The following DNAI4 variants were observed in gnomAD, a reference collection of about 807,000 sequenced individuals.
DNAI4 encodes the protein dynein axonemal intermediate chain 4, also known as WD repeat domain 78.
A neutral mutation model predicts 105.8 loss-of-function variants in DNAI4; 85 were observed. The observed-to-expected ratio is 0.80, with a 90% CI of 0.67 to 0.96. The LOEUF is 0.96. DNAI4 is among the 40% of genes least tolerant of loss of function. The probability of loss-of-function intolerance (pLI) is 0.00; values close to 1 mark genes in which losing one functional copy is unlikely to be tolerated. For synonymous variants in DNAI4, 352 were observed against 331.5 expected (o/e 1.06, Z -0.67); for missense variants, 1,014 against 1,005.6 (o/e 1.01, Z -0.11).
intron 1 of DNAI4, chr1:66,919,132 C>CA (rs756212207): frequency 3.8e-5 from 17 of 443,968 alleles, no homozygotes; most frequent in Non-Finnish European, 7.3e-5. Flanking sequence ...ATGTATAAAA[C>CA]AAAGACATGC....
At chr1:66,851,659 T>C (rs1448651634) in intron 7 of DNAI4, among the ~76,000 whole-genome samples, 2 of 151,718 alleles carry the variant, frequency 1.3e-5, no homozygotes, top group Admixed American at 1.3e-4. Flanking sequence ...ACTTAGAATC[T>C]TAAAAAAACA....
At chr1:66,897,419 A>C (rs1282424726) in intron 2 of DNAI4, among the ~76,000 whole-genome samples, 7 of 152,238 alleles carry the variant, frequency 4.6e-5, no homozygotes, top group African/African-American at 1.7e-4. Context: ...GGCCATGTAA[A>C]GAATGAACCA....
intron 9 of DNAI4, among the ~76,000 whole-genome samples, chr1:66,839,380 C>G (rs925506898): frequency 1.3e-5 from 2 of 152,046 alleles, no homozygotes; most frequent in African/African-American, 4.8e-5. Flanking sequence ...CAAAATAATA[C>G]ACATAATTAA....
At chr1:66,915,436 C>T (rs573902981) in intron 1 of DNAI4, among the ~76,000 whole-genome samples, 35 of 152,192 alleles carry the variant, frequency 2.3e-4, no homozygotes, top group South Asian at 8.3e-4. Context: ...TTTGCAATGG[C>T]GGTTTCATAA....
chr1:66,897,094 T>C (rs1262203071), intron 2 of DNAI4, among the ~76,000 whole-genome samples: 1 of 152,184 alleles, frequency 6.6e-6, no homozygotes, highest in East Asian at 1.9e-4. Context: ...GTGAACAGAA[T>C]ACTGGTAGAA....
intron 1 of DNAI4, among the ~76,000 whole-genome samples, chr1:66,906,014 C>T (rs796168762): frequency 2.7e-5 from 4 of 147,840 alleles, no homozygotes; most frequent in African/African-American, 9.9e-5. Flanking sequence ...ACCTCCGCCT[C>T]CTGGGTTCAA....
intron 16 of DNAI4, among the ~76,000 whole-genome samples, chr1:66,816,902 C>T (rs745463017): frequency 6.6e-5 from 10 of 151,898 alleles, no homozygotes; most frequent in Admixed American, 2.0e-4. Context: ...CTTCTATATT[C>T]CAGTCTATAT....
chr1:66,896,885 C>T (rs1648380768), intron 2 of DNAI4, among the ~76,000 whole-genome samples: 1 of 151,984 alleles, frequency 6.6e-6, no homozygotes, highest in African/African-American at 2.4e-5. Context: ...AAATTAATAC[C>T]AAGAAGTGGG....
intron 4 of DNAI4, among the ~76,000 whole-genome samples, chr1:66,880,367 G>C (rs1343121053): frequency 6.6e-6 from 1 of 152,206 alleles, no homozygotes; most frequent in African/African-American, 2.4e-5. Flanking sequence ...ATGTGGGAAA[G>C]TTTGGAACTC....
At chr1:66,888,115 T>C (rs184321069) in intron 4 of DNAI4, among the ~76,000 whole-genome samples, 381 of 152,300 alleles carry the variant, frequency 2.5e-3, no homozygotes, top group Non-Finnish European at 2.5e-3. Flanking sequence ...ATTTATAACA[T>C]GGAAATTGGC....
At chr1:66,867,837 A>C (rs1232137541) in intron 6 of DNAI4, among the ~76,000 whole-genome samples, 3 of 152,232 alleles carry the variant, frequency 2.0e-5, no homozygotes, top group Non-Finnish European at 4.4e-5. Context: ...CTGCCAAAAC[A>C]AACTTGAAGA....
At position 66,822,262 on chromosome 1, in the gene DNAI4, C is replaced by A. The variant is rs1266733174; in HGVS notation, c.2496+99G>T. 4 of 1,096,432 alleles carry A rather than the reference C, an allele frequency of 3.6e-6. No homozygotes were observed. In the African/African-American group the frequency reaches 4.8e-5, roughly 13 times the overall value. The allele number at this position is 1,096,432 out of a possible 1,614,324, so 67.9% of individuals were successfully genotyped here. ...GAATTTATGTTCTTTTATTATATTACACCTAAGATATTGAGAAATGTAAAT... is the reference window on the plus strand; with the variant it reads ...GAATTTATGTTCTTTTATTATATTAAACCTAAGATATTGAGAAATGTAAAT... On this transcript the variant is annotated intron_variant, in intron 16 of 16. Transcript: ENST00000371026.
chr1:66,915,002 C>T (rs1449486055), intron 1 of DNAI4, among the ~76,000 whole-genome samples: 1 of 152,158 alleles, frequency 6.6e-6, no homozygotes, highest in African/African-American at 2.4e-5. Context: ...TGCCAGCATA[C>T]ATTTTGTTTG....
At chr1:66,845,187 T>A in intron 8 of DNAI4, among the ~76,000 whole-genome samples, 1 of 39,264 alleles carries the variant, frequency 2.5e-5, no homozygotes, top group African/African-American at 1.2e-4. Context: ...CGAAACTCCA[T>A]CTCAAAAAAA....
chr1:66,865,999 G>C (rs1316040841), intron 6 of DNAI4, among the ~76,000 whole-genome samples: 2 of 152,108 alleles, frequency 1.3e-5, no homozygotes, highest in African/African-American at 4.8e-5. Context: ...TACTGAAAAG[G>C]AAAGCGGGAA....
In DNAI4 at chr1:66,847,573, T is replaced by G. The variant is rs140803457; in HGVS notation, c.1202A>C (p.His401Pro). ...CCGTTCCATAAAAAATAAGTCCTGA[T>G]GAAATTTGTCAGATTTTAATATTGC... The part of the protein sequence containing the change: ...SDAILKSDKF[H>P]QDLFFMERVL... Residue 401 changes from histidine to proline, a missense_variant, in exon 8 of 17, where the codon CAT becomes CCT. Coordinates refer to ENST00000371026, the MANE Select transcript of DNAI4 (RefSeq NM_024763.5). The G allele has an allele frequency of 4.3e-4, 693 of 1,613,848 alleles. 4 individuals are homozygous for G. The African/African-American group carries it at 8.4e-3, about 19-fold the overall frequency.
In DNAI4 at chr1:66,893,059, G is replaced by GAAAGAAAGAA. The variant is rs780472953; in HGVS notation, c.530+169_530+170insTTCTTTCTTT. ...GGAAAGAAAGAAAGAAAGAAAGAGAGAGAGAGAAAGAAAGAAAGAAAGAAA... is the reference window on the plus strand; with the variant it reads ...GGAAAGAAAGAAAGAAAGAAAGAGAGAAAGAAAGAAAGAGAGAAAGAAAGAAAGAAAGAAA... On this transcript the variant is annotated intron_variant, in intron 3 of 16. Coordinates refer to ENST00000371026, the MANE Select transcript of DNAI4 (RefSeq NM_024763.5). 1.6e-4 allele frequency among the ~76,000 whole-genome samples: 9 copies of GAAAGAAAGAA among 56,498 alleles called. 1 individual carries two copies. Among genetic ancestry groups the GAAAGAAAGAA allele is most frequent in the African/African-American group, 5.1e-4 (7 of 13,660 alleles). The allele number at this position is 56,498 out of a possible 152,430, so 37.1% of individuals were successfully genotyped here.
At chr1:66,904,702 A>G (rs1649105318) in intron 2 of DNAI4, among the ~76,000 whole-genome samples, 1 of 152,154 alleles carries the variant, frequency 6.6e-6, no homozygotes, top group South Asian at 2.1e-4. Flanking sequence ...TATGAATTTT[A>G]TCTTTTATGG....
chr1:66,892,288 A>G (rs568096490), intron 3 of DNAI4, among the ~76,000 whole-genome samples: 1 of 152,338 alleles, frequency 6.6e-6, no homozygotes, highest in Admixed American at 6.5e-5. Context: ...CCAGAGAAGC[A>G]TAATTGCTGT....
Sources: allele counts gnomAD v4.1 joint callset (sites outside exome capture counted in the v4.1 genomes callset), GRCh38; gene constraint gnomAD v4.1.1; transcripts MANE v1.5; gene names NCBI Gene and HGNC (gene_info 2026-07-23, HGNC 2026-07-21).